The following FRRS1L variants were observed in gnomAD, a reference collection of about 807,000 sequenced individuals.
FRRS1L encodes ferric chelate reductase 1 like.
FRRS1L carries 22 observed loss-of-function variants against 28.6 expected under a neutral mutation model. That is an observed-to-expected ratio of 0.77 (90% CI 0.55 to 1.10). The LOEUF is 1.10. Among genes scored for constraint, FRRS1L ranks in the 50% least tolerant of loss-of-function variants. The probability of loss-of-function intolerance (pLI) is 0.00; values close to 1 mark genes in which losing one functional copy is unlikely to be tolerated. For missense variants in FRRS1L, 380 were observed against 386.9 expected, an observed-to-expected ratio of 0.98 and a Z score of 0.15; for synonymous variants, 158 against 151.4, an observed-to-expected ratio of 1.04 and a Z score of -0.32.
chr9:109,148,733 G>C (rs1395789542), intron 2 of FRRS1L, among the ~76,000 whole-genome samples: 2 of 152,038 alleles, frequency 1.3e-5, no homozygotes, highest in African/African-American at 4.8e-5. Flanking sequence ...AAAAAAAGGA[G>C]TAAATGGACA....
intron 3 of FRRS1L, among the ~76,000 whole-genome samples, chr9:109,143,277 T>C (rs1185369270): frequency 6.6e-6 from 1 of 151,872 alleles, no homozygotes; most frequent in Admixed American, 6.6e-5. Context: ...ATAGTGCCAC[T>C]GAACTCCAAG....
In FRRS1L at chr9:109,162,872, G is replaced by C. The variant is rs940438403; in HGVS notation, c.238+4029C>G. Among the ~76,000 whole-genome samples the C allele has an allele frequency of 3.3e-5, 5 of 152,186 alleles. No homozygotes were observed. The East Asian group carries it at 9.6e-4, about 29-fold the overall frequency. On this transcript the variant is annotated intron_variant, in intron 1 of 4. Transcript: ENST00000561981. Reference sequence around the variant, plus strand: ...TCTTTCCCAAGAAAAATTGTGATCAGAACTCAATGGTCAGAAAATCCTTGA... The same window carrying C: ...TCTTTCCCAAGAAAAATTGTGATCACAACTCAATGGTCAGAAAATCCTTGA...
Position 109,145,514 on chromosome 9 carries a change from G to A in FRRS1L, c.462+1537C>T, listed in dbSNP as rs201745347. ...GGAGTTCGAGACCAGCCTGGCCAAC[G>A]TGTGAAACCCCATCTCTACTAAAAT... On this transcript the variant is annotated intron_variant, in intron 3 of 4. Transcript: ENST00000561981. Among the ~76,000 whole-genome samples, 3 of 151,812 alleles carry A rather than the reference G, an allele frequency of 2.0e-5. No homozygotes were observed. In the East Asian group the frequency reaches 5.9e-4, roughly 30 times the overall value.
chr9:109,143,410 G>A (rs1192895805), intron 3 of FRRS1L, among the ~76,000 whole-genome samples: 1 of 152,120 alleles, frequency 6.6e-6, no homozygotes, highest in South Asian at 2.1e-4. Flanking sequence ...CTCCCCAGGG[G>A]GTATATGGGA....
intron 1 of FRRS1L, among the ~76,000 whole-genome samples, chr9:109,156,305 T>C (rs1013247982): frequency 6.6e-6 from 1 of 152,226 alleles, no homozygotes; most frequent in Non-Finnish European, 1.5e-5. Flanking sequence ...ATCACTCATT[T>C]TCACATGTGT....
rs1040448371 is a variant in FRRS1L, at chr9:109,131,793, A to G, written c.*5662T>C. ...TCACTAAACATAACCAATTCCGTTTAGAGAACAAGGACATACAATTATACA... is the reference window on the plus strand; with the variant it reads ...TCACTAAACATAACCAATTCCGTTTGGAGAACAAGGACATACAATTATACA... On this transcript the variant is annotated 3_prime_UTR_variant, in exon 5 of 5. Coordinates refer to ENST00000561981, the MANE Select transcript of FRRS1L (RefSeq NM_014334.4). The G allele has an allele frequency of 1.3e-5, 2 of 152,222 alleles. No individual in the cohort carries two copies. Among genetic ancestry groups the G allele is most frequent in the African/African-American group, 2.4e-5 (1 of 41,460 alleles). The allele number at this position is 152,222 out of a possible 1,614,324, so 9.4% of individuals were successfully genotyped here.
chr9:109,156,972 G>A lies in FRRS1L; in HGVS notation c.239-7252C>T, dbSNP rs1454605280. On this transcript the variant is annotated intron_variant, in intron 1 of 4. Coordinates refer to ENST00000561981, the MANE Select transcript of FRRS1L (RefSeq NM_014334.4). ...ACAGTTGTAAGCCACCACGCCCAGC[G>A]TCTAATCTTTCTTATTTTCTGATAA... Among the ~76,000 whole-genome samples, 7 of 152,166 alleles carry A rather than the reference G, an allele frequency of 4.6e-5. No individual in the cohort carries two copies. In the South Asian group the frequency reaches 1.0e-3, roughly 23 times the overall value.
chr9:109,137,438 TG>T lies in FRRS1L; in HGVS notation c.*16del. On this transcript the variant is annotated 3_prime_UTR_variant, in exon 5 of 5. Transcript: ENST00000561981. ...AGACTTCCCAATCCATGTAATCTGT[TG>T]GCCCTGCAGCTGTGGTTAGGGGGTT... The T allele has an allele frequency of 6.7e-7, 1 of 1,497,588 alleles. No homozygotes were observed. Among genetic ancestry groups the T allele is most frequent in the South Asian group, 1.4e-5 (1 of 71,254 alleles). The allele number at this position is 1,497,588 out of a possible 1,614,324, so 92.8% of individuals were successfully genotyped here. A position where few individuals can be genotyped will look rare whatever the true frequency, so the allele number is the denominator to read the frequency against.
At chr9:109,150,055 A>G (rs1391368904) in intron 1 of FRRS1L, 1 of 184,886 alleles carries the variant, frequency 5.4e-6, no homozygotes, top group Admixed American at 6.0e-5. Flanking sequence ...AATACAATAT[A>G]CATGTTCTAA....
At chr9:109,142,527 A>G (rs748487426) in intron 3 of FRRS1L, among the ~76,000 whole-genome samples, 8 of 152,194 alleles carry the variant, frequency 5.3e-5, no homozygotes, top group Non-Finnish European at 7.4e-5. Context: ...AAAATGGTCA[A>G]TTCTGGCCAG....
intron 2 of FRRS1L, 137 bp from the exon 3 acceptor site, chr9:109,147,326 A>G: frequency 1.4e-6 from 1 of 708,642 alleles, no homozygotes; most frequent in Non-Finnish European, 2.4e-6. Flanking sequence ...AATCTTAAAA[A>G]CACAGTTTCA....
chr9:109,150,388 G>A (rs1831317775), intron 1 of FRRS1L: 1 of 152,078 alleles, frequency 6.6e-6, no homozygotes, highest in Non-Finnish European at 1.5e-5. Context: ...GCTAATTTTT[G>A]TATTTTTAGT....
At chr9:109,154,673 C>G (rs1420317553) in intron 1 of FRRS1L, among the ~76,000 whole-genome samples, 1 of 152,210 alleles carries the variant, frequency 6.6e-6, no homozygotes, top group African/African-American at 2.4e-5. Context: ...TTCCACCAAT[C>G]CATCACTAAC....
Position 109,167,051 on chromosome 9 carries a change from G to A in FRRS1L, c.88C>T (p.Pro30Ser), listed in dbSNP as rs1831563642. The change falls in exon 1 of 5, where the codon CCC (proline) becomes TCC (serine). Residue 30 changes from proline to serine, a missense_variant. Pro to Ser is a moderately conservative substitution (Grantham distance 74). Transcript: ENST00000561981. ...LTGPAACAAS[P>S]ADDGAGPGGR... ...CCCGGGCCCGCACCGTCGTCCGCGG[G>A]GCTGGCTGCGCAGGCGGCGGGCCCC... 5.0e-6 allele frequency: 6 copies of A among 1,191,094 alleles called. No individual in the cohort carries two copies. The highest frequency in any genetic ancestry group is 1.6e-5 in the African/African-American group (1 of 61,972). The allele number at this position is 1,191,094 out of a possible 1,614,324, so 73.8% of individuals were successfully genotyped here. A position where few individuals can be genotyped will look rare whatever the true frequency, so the allele number is the denominator to read the frequency against.
intron 1 of FRRS1L, among the ~76,000 whole-genome samples, chr9:109,164,252 A>C (rs1831517845): frequency 6.6e-6 from 1 of 152,176 alleles, no homozygotes; most frequent in Admixed American, 6.5e-5. Flanking sequence ...AGAGGAAATG[A>C]AACTGTCAGA....
chr9:109,137,936 G>A (rs1588095821), intron 4 of FRRS1L: 1 of 164,588 alleles, frequency 6.1e-6, no homozygotes, highest in Non-Finnish European at 1.3e-5. Context: ...ATAATTTTGT[G>A]TGATTATTGT....
At chr9:109,152,601 G>C (rs916591316) in intron 1 of FRRS1L, among the ~76,000 whole-genome samples, 1 of 151,020 alleles carries the variant, frequency 6.6e-6, no homozygotes, top group Non-Finnish European at 1.5e-5. Flanking sequence ...TCAGGAGATC[G>C]AGACCATCCT....
Position 109,132,468 on chromosome 9 carries a change from G to A in FRRS1L, c.*4987C>T, listed in dbSNP as rs922108592. ...TTCCAGAAAATATATTAGAATGCAA[G>A]AGCATGAGATGCCCTGTGCCATTTA... is the stretch of plus-strand genomic sequence containing the variant. On this transcript the variant is annotated 3_prime_UTR_variant, in exon 5 of 5. Coordinates refer to ENST00000561981, the MANE Select transcript of FRRS1L (RefSeq NM_014334.4). 2.6e-4 allele frequency: 39 copies of A among 152,284 alleles called. No individual in the cohort carries two copies. Among genetic ancestry groups the A allele is most frequent in the African/African-American group, 8.9e-4 (37 of 41,548 alleles). 9.4% of individuals were successfully genotyped at this position (152,284 alleles called of 1,614,324 possible). A position where few individuals can be genotyped will look rare whatever the true frequency, so the allele number is the denominator to read the frequency against.
chr9:109,135,818 T>A lies in FRRS1L; in HGVS notation c.*1637A>T, dbSNP rs1481856612. ...TTATGGGTCATTTTCCCATTTTCAA[T>A]TATTTTTTAAAAAGCCACCTCATAA... On this transcript the variant is annotated 3_prime_UTR_variant, in exon 5 of 5. Coordinates refer to ENST00000561981, the MANE Select transcript of FRRS1L (RefSeq NM_014334.4). The A allele has an allele frequency of 2.0e-5, 3 of 152,318 alleles. No individual in the cohort carries two copies. In the East Asian group the frequency reaches 5.8e-4, roughly 29 times the overall value. The allele number at this position is 152,318 out of a possible 1,614,324, so 9.4% of individuals were successfully genotyped here. A position where few individuals can be genotyped will look rare whatever the true frequency, so the allele number is the denominator to read the frequency against.
Sources: gnomAD v4.1 joint callset for allele counts (sites outside exome capture counted in the v4.1 genomes callset) on GRCh38, gnomAD v4.1.1 for gene constraint, MANE v1.5 for transcripts, NCBI Gene and HGNC (gene_info 2026-07-23, HGNC 2026-07-21) for gene names.